Variants in ZNF385D observed in about 807,000 individuals in gnomAD.
ZNF385D encodes the protein zinc finger protein 385D, also known as zinc finger protein 659.
A neutral mutation model predicts 35.8 loss-of-function variants in ZNF385D; 15 were observed. The ratio of observed to expected loss-of-function variants is 0.42; its 90% CI spans 0.28 to 0.64. ZNF385D has a LOEUF of 0.64. Among genes scored for constraint, ZNF385D ranks in the 30% least tolerant of loss-of-function variants. The pLI, the probability that ZNF385D is intolerant of heterozygous loss-of-function variation, is 0.23. For missense variants in ZNF385D, 474 were observed against 494.6 expected, an observed-to-expected ratio of 0.96 and a Z score of 0.39; for synonymous variants, 212 against 186.8, an observed-to-expected ratio of 1.13 and a Z score of -1.10.
chr3:21,512,171 C>T (rs899316612), intron 3 of ZNF385D, among the ~76,000 whole-genome samples: 128 of 138,052 alleles, frequency 9.3e-4, no homozygotes, highest in African/African-American at 3.5e-3. Flanking sequence ...AAAAGAAGTA[C>T]ATAGAGATAG....
At chr3:21,664,736 A>G (rs779914508) in intron 2 of ZNF385D, 150 bp downstream of exon 2, 5 of 1,087,516 alleles carry the variant, frequency 4.6e-6, no homozygotes, top group African/African-American at 1.6e-5. Context: ...TTGCCTAACC[A>G]AGCAAACAAC....
rs116039873 is a variant in ZNF385D at position 22,067,133 on chromosome 3, A to C, written c.325+101684T>G. 9.6e-4 allele frequency among the ~76,000 whole-genome samples: 146 copies of C among 152,338 alleles called. 1 individual carries two copies. The highest frequency in any genetic ancestry group is 3.3e-3 in the South Asian group (16 of 4,826). On this transcript the variant is annotated intron_variant, in intron 3 of 5. Transcript: ENST00000494108. The stretch of plus-strand genomic sequence containing the variant: ...GTAATGGTACAGGCATTAGAAAAAT[A>C]AAGAGAATATGGAAAGAAAGATTGC...
chr3:22,307,378 G>A (rs1482039289), intron 2 of ZNF385D, among the ~76,000 whole-genome samples: 2 of 152,150 alleles, frequency 1.3e-5, no homozygotes, highest in Middle Eastern at 3.2e-3. Flanking sequence ...CAGAATTGAA[G>A]TTTAAGAGAG....
At chr3:21,490,817 A>G (rs1216660347) in intron 4 of ZNF385D, among the ~76,000 whole-genome samples, 2 of 139,780 alleles carry the variant, frequency 1.4e-5, no homozygotes, top group Non-Finnish European at 3.1e-5. Context: ...GTACAGTGAT[A>G]CCTCATTTCA....
intron 3 of ZNF385D, among the ~76,000 whole-genome samples, chr3:21,993,148 A>G (rs923593230): frequency 2.0e-5 from 3 of 152,214 alleles, no homozygotes; most frequent in African/African-American, 7.2e-5. Flanking sequence ...TAGGGAAAAG[A>G]TATCAGCTAT....
chr3:21,866,070 CA>C (rs1449226317), intron 3 of ZNF385D, among the ~76,000 whole-genome samples: 2 of 151,436 alleles, frequency 1.3e-5, no homozygotes, highest in African/African-American at 4.9e-5. Flanking sequence ...TGTGTATGTA[CA>C]AATATACATA....
intron 3 of ZNF385D, among the ~76,000 whole-genome samples, chr3:21,560,426 C>T (rs1214300040): frequency 6.6e-6 from 1 of 152,184 alleles, no homozygotes; most frequent in East Asian, 1.9e-4. Context: ...TGCAGGTTTG[C>T]TAGAGGTCCA....
At chr3:22,160,931 G>A (rs1405756254) in intron 3 of ZNF385D, among the ~76,000 whole-genome samples, 1 of 152,054 alleles carries the variant, frequency 6.6e-6, no homozygotes, top group Non-Finnish European at 1.5e-5. Context: ...GCCATAGAAG[G>A]TTTAAACATC....
chr3:21,701,258 G>C (rs1317200649), intron 1 of ZNF385D, among the ~76,000 whole-genome samples: 1 of 151,734 alleles, frequency 6.6e-6, no homozygotes, highest in Non-Finnish European at 1.5e-5. Context: ...TCAGAATCAT[G>C]GCAGGAGGCA....
At chr3:21,564,094 C>G (rs1305538824) in intron 3 of ZNF385D, among the ~76,000 whole-genome samples, 1 of 152,128 alleles carries the variant, frequency 6.6e-6, no homozygotes, top group Non-Finnish European at 1.5e-5. Context: ...CCTAGGACAA[C>G]TTGAGTGCTT....
chr3:22,292,224 A>G (rs1702336070), intron 2 of ZNF385D, among the ~76,000 whole-genome samples: 1 of 152,088 alleles, frequency 6.6e-6, no homozygotes, highest in African/African-American at 2.4e-5. Flanking sequence ...TTTTTAAAAA[A>G]GAAATATAGA....
At chr3:22,242,489 C>T (rs908364083) in intron 2 of ZNF385D, among the ~76,000 whole-genome samples, 1 of 150,702 alleles carries the variant, frequency 6.6e-6, no homozygotes, top group Admixed American at 6.6e-5. Context: ...TGGTATTTTT[C>T]CCCGAAATCA....
At chr3:21,847,376 A>T (rs1439614368) in intron 3 of ZNF385D, among the ~76,000 whole-genome samples, 1 of 151,002 alleles carries the variant, frequency 6.6e-6, no homozygotes, top group East Asian at 1.9e-4. Context: ...CACGATATCA[A>T]AAAATTAAAA....
chr3:22,221,312 G>C (rs1349903809), intron 2 of ZNF385D, among the ~76,000 whole-genome samples: 1 of 151,956 alleles, frequency 6.6e-6, no homozygotes, highest in Non-Finnish European at 1.5e-5. Flanking sequence ...AAGAAAACTT[G>C]TTATAAAACC....
intron 2 of ZNF385D, among the ~76,000 whole-genome samples, chr3:22,207,205 T>G (rs1697213386): frequency 6.6e-6 from 1 of 151,802 alleles, no homozygotes; most frequent in East Asian, 1.9e-4. Flanking sequence ...TTGTATGCAG[T>G]AGGTTGGTAC....
intron 2 of ZNF385D, among the ~76,000 whole-genome samples, chr3:22,199,144 A>G (rs1010593261): frequency 6.7e-6 from 1 of 149,384 alleles, no homozygotes; most frequent in East Asian, 1.9e-4. Flanking sequence ...CACAAAAAAC[A>G]TAATCTCATC....
rs975487834 is a variant in ZNF385D at position 21,765,348 on chromosome 3, C to T, written c.326-100320G>A. On this transcript the variant is annotated intron_variant, in intron 3 of 5. Transcript: ENST00000494108. ...GTAACTTTGATGTATTTCAGAGCAG[C>T]TGCCAAGCCATTCTCCTCTCTGGGG... 5.6e-4 allele frequency among the ~76,000 whole-genome samples: 85 copies of T among 152,126 alleles called. 1 individual carries two copies. Among genetic ancestry groups the T allele is most frequent in the African/African-American group, 1.9e-3 (78 of 41,520 alleles).
intron 3 of ZNF385D, among the ~76,000 whole-genome samples, chr3:21,794,129 A>T (rs981144158): frequency 1.6e-4 from 24 of 152,288 alleles, no homozygotes; most frequent in Non-Finnish European, 2.9e-4. Context: ...TTATGTGCGT[A>T]GCAAAATTTC....
At chr3:22,072,766 G>T (rs3919888) in intron 3 of ZNF385D, among the ~76,000 whole-genome samples, 3 of 151,550 alleles carry the variant, frequency 2.0e-5, no homozygotes. Context: ...TTGAAGGTTG[G>T]GAGAAGGAAG....
Sources: gnomAD v4.1 joint callset for allele counts (sites outside exome capture counted in the v4.1 genomes callset) on GRCh38, gnomAD v4.1.1 for gene constraint, MANE v1.5 for transcripts, NCBI Gene and HGNC (gene_info 2026-07-23, HGNC 2026-07-21) for gene names.